Variants in SLC16A9 observed in about 807,000 individuals in gnomAD.
The protein encoded by SLC16A9 is solute carrier family 16 member 9.
A neutral mutation model predicts 44.3 loss-of-function variants in SLC16A9; 26 were observed. That is an observed-to-expected ratio of 0.59 (90% CI 0.43 to 0.81). The LOEUF is 0.81. SLC16A9 is among the 40% of genes least tolerant of loss of function. The pLI is 0.00. For synonymous variants in SLC16A9, 230 were observed against 225.1 expected (o/e 1.02, Z -0.19); for missense variants, 559 against 595.8 (o/e 0.94, Z 0.64).
Position 59,654,005 on chromosome 10 carries a change from A to G in SLC16A9, c.1021T>C (p.Phe341Leu), listed in dbSNP as rs563665323. 1.4e-5 allele frequency: 22 copies of G among 1,613,840 alleles called. No homozygotes were observed. The East Asian group carries it at 4.7e-4, about 34-fold the overall frequency. ...ATAATGGAAATAAGTGGCATAATAA[A>G]CTCTTCTTCTTTCACGTTTGAACTT... Reference protein sequence around the residue: ...ARSSNVKEEEFIMPLISIIGI... With the variant: ...ARSSNVKEEELIMPLISIIGI... The change falls in exon 5 of 6, where the codon TTT becomes CTT. Residue 341 changes from phenylalanine to leucine, a missense_variant. Coordinates refer to ENST00000395348, the MANE Select transcript of SLC16A9 (RefSeq NM_194298.3).
intron 4 of SLC16A9, 74 bp from the exon 5 acceptor site, chr10:59,654,663 C>G: frequency 7.8e-7 from 1 of 1,275,776 alleles, no homozygotes; most frequent in South Asian, 1.9e-5. Flanking sequence ...TATCACAATT[C>G]AATTTATTTT....
At chr10:59,656,444 G>C (rs1019779426) in intron 4 of SLC16A9, among the ~76,000 whole-genome samples, 9 of 152,154 alleles carry the variant, frequency 5.9e-5, no homozygotes, top group Non-Finnish European at 1.0e-4. Flanking sequence ...AAGTTTATCT[G>C]TCAACATGAT....
rs994513228 is a variant in SLC16A9 at position 59,652,021 on chromosome 10, G to A, written c.*751C>T. On this transcript the variant is annotated 3_prime_UTR_variant, in exon 6 of 6. Coordinates refer to ENST00000395348, the MANE Select transcript of SLC16A9 (RefSeq NM_194298.3). ...CATCAGCTGAGTGGATGGCCAAGAA[G>A]CAAAAGTGAGCAAGGTTGGAGTGGT... The A allele has an allele frequency of 6.6e-6, 1 of 152,136 alleles. No individual in the cohort carries two copies. Among genetic ancestry groups the A allele is most frequent in the Non-Finnish European group, 1.5e-5 (1 of 68,038 alleles). The allele number at this position is 152,136 out of a possible 1,614,324, so 9.4% of individuals were successfully genotyped here. A position where few individuals can be genotyped will look rare whatever the true frequency, so the allele number is the denominator to read the frequency against.
chr10:59,690,992 G>A (rs1840241442), intron 1 of SLC16A9, among the ~76,000 whole-genome samples: 1 of 152,184 alleles, frequency 6.6e-6, no homozygotes, highest in South Asian at 2.1e-4. Flanking sequence ...GGCTGAGGCT[G>A]GAGAATCGCT....
intron 1 of SLC16A9, among the ~76,000 whole-genome samples, chr10:59,706,627 T>C (rs1840641099): frequency 3.5e-5 from 1 of 28,896 alleles, no homozygotes. Context: ...TGAAGAAATG[T>C]GATACACACA....
At position 59,652,218 on chromosome 10, in the gene SLC16A9, T is replaced by C. The variant is rs1839218869; in HGVS notation, c.*554A>G. ...GGTGACTGTAGGTTAAAATATATTTTTTTAAAAAATGACCAATTTGCTCCA... is the reference window on the plus strand; with the variant it reads ...GGTGACTGTAGGTTAAAATATATTTCTTTAAAAAATGACCAATTTGCTCCA... On this transcript the variant is annotated 3_prime_UTR_variant, in exon 6 of 6. Transcript: ENST00000395348. 1 of 152,258 alleles carries C rather than the reference T, an allele frequency of 6.6e-6. No homozygotes were observed. The highest frequency in any genetic ancestry group is 1.5e-5 in the Non-Finnish European group (1 of 68,042). The allele number at this position is 152,258 out of a possible 1,614,324, so 9.4% of individuals were successfully genotyped here.
chr10:59,688,361 C>T (rs1303303673), intron 1 of SLC16A9, among the ~76,000 whole-genome samples: 3 of 152,172 alleles, frequency 2.0e-5, no homozygotes, highest in East Asian at 1.9e-4. Flanking sequence ...CTGGGCAGAA[C>T]TCATGTCACC....
intron 4 of SLC16A9, among the ~76,000 whole-genome samples, chr10:59,661,583 T>C (rs1839476114): frequency 6.6e-6 from 1 of 152,196 alleles, no homozygotes; most frequent in South Asian, 2.1e-4. Context: ...AAAGGTAATT[T>C]ATAGATTCAA....
At chr10:59,679,365 C>T (rs1264260969) in intron 2 of SLC16A9, among the ~76,000 whole-genome samples, 1 of 152,188 alleles carries the variant, frequency 6.6e-6, no homozygotes, top group Non-Finnish European at 1.5e-5. Context: ...TATATTAAGA[C>T]ATTTGTTGCA....
intron 2 of SLC16A9, among the ~76,000 whole-genome samples, chr10:59,682,352 T>C (rs1425340461): frequency 6.6e-6 from 1 of 152,238 alleles, no homozygotes. Flanking sequence ...GCAAATTATG[T>C]AGCCAGTTCT....
intron 1 of SLC16A9, among the ~76,000 whole-genome samples, chr10:59,704,952 C>T (rs1297655512): frequency 6.6e-6 from 1 of 152,044 alleles, no homozygotes; most frequent in Non-Finnish European, 1.5e-5. Context: ...TCAAGACACA[C>T]AGAAAAATAT....
intron 1 of SLC16A9, among the ~76,000 whole-genome samples, chr10:59,699,098 A>G (rs1361105413): frequency 6.6e-6 from 1 of 152,142 alleles, no homozygotes; most frequent in African/African-American, 2.4e-5. Flanking sequence ...TCTTTCCCCA[A>G]TTCTGCTTTA....
intron 2 of SLC16A9, among the ~76,000 whole-genome samples, chr10:59,674,951 A>T (rs558871101): frequency 6.6e-6 from 1 of 152,346 alleles, no homozygotes; most frequent in South Asian, 2.1e-4. Flanking sequence ...CTATGTGATA[A>T]ATTCTTAAGT....
chr10:59,662,369 G>T (rs1170374584), intron 4 of SLC16A9, among the ~76,000 whole-genome samples: 1 of 151,696 alleles, frequency 6.6e-6, no homozygotes, highest in Non-Finnish European at 1.5e-5. Context: ...AGGCACAGTG[G>T]CTCACACCTT....
chr10:59,684,312 C>G lies in SLC16A9; in HGVS notation c.-21G>C. On this transcript the variant is annotated 5_prime_UTR_variant, in exon 2 of 6. Coordinates refer to ENST00000395348, the MANE Select transcript of SLC16A9 (RefSeq NM_194298.3). ...TCCATTGTAAGACAAAATCAGGAGG[C>G]GTTTCTCTGCAGGTCCTAAACAAAA... 6.2e-7 allele frequency: 1 copy of G among 1,603,108 alleles called. No homozygotes were observed. Among genetic ancestry groups the G allele is most frequent in the Admixed American group, 1.7e-5 (1 of 59,422 alleles).
chr10:59,662,847 T>C (rs1839513514), intron 4 of SLC16A9, among the ~76,000 whole-genome samples: 1 of 152,108 alleles, frequency 6.6e-6, no homozygotes, highest in Admixed American at 6.6e-5. Context: ...GCTTTTACAC[T>C]TCAATCATTG....
chr10:59,657,576 T>C (rs1322050946), intron 4 of SLC16A9, among the ~76,000 whole-genome samples: 1 of 152,208 alleles, frequency 6.6e-6, no homozygotes, highest in Non-Finnish European at 1.5e-5. Flanking sequence ...TGCTTCATTT[T>C]TTATTTAGTG....
chr10:59,672,613 T>C (rs1347766871), intron 3 of SLC16A9, among the ~76,000 whole-genome samples, 157 bp downstream of exon 3: 3 of 152,220 alleles, frequency 2.0e-5, no homozygotes, highest in Non-Finnish European at 4.4e-5. Context: ...GCAGGTTTTT[T>C]TCACTAAAGC....
At chr10:59,699,590 A>C (rs1840476357) in intron 1 of SLC16A9, among the ~76,000 whole-genome samples, 1 of 152,068 alleles carries the variant, frequency 6.6e-6, no homozygotes, top group African/African-American at 2.4e-5. Flanking sequence ...GAATGACAGT[A>C]TTTACCTCAT....
Sources: allele counts gnomAD v4.1 joint callset (sites outside exome capture counted in the v4.1 genomes callset), GRCh38; gene constraint gnomAD v4.1.1; transcripts MANE v1.5; gene names NCBI Gene and HGNC (gene_info 2026-07-23, HGNC 2026-07-21).